The following SYCP2L variants were observed in gnomAD, a reference collection of about 807,000 sequenced individuals.
SYCP2L encodes the protein synaptonemal complex protein 2 like.
A neutral mutation model predicts 125.8 loss-of-function variants in SYCP2L; 98 were observed. The ratio of observed to expected loss-of-function variants is 0.78; its 90% CI spans 0.66 to 0.92. The LOEUF is 0.92. SYCP2L is among the 40% of genes least tolerant of loss of function. The pLI, the probability that SYCP2L is intolerant of heterozygous loss-of-function variation, is 0.00. For missense variants in SYCP2L, 842 were observed against 936.4 expected, an observed-to-expected ratio of 0.90 and a Z score of 1.32; for synonymous variants, 317 against 325.4, an observed-to-expected ratio of 0.97 and a Z score of 0.28.
chr6:10,928,737 T>G (rs1214003666), intron 18 of SYCP2L, among the ~76,000 whole-genome samples: 1 of 152,028 alleles, frequency 6.6e-6, no homozygotes, highest in Non-Finnish European at 1.5e-5. Context: ...GGAGTCTCGC[T>G]CCATTCCCCA....
chr6:10,942,931 A>T lies in SYCP2L; in HGVS notation c.1954+185A>T, dbSNP rs78774183. On this transcript the variant is annotated intron_variant, in intron 23 of 29. Coordinates refer to ENST00000283141, the MANE Select transcript of SYCP2L (RefSeq NM_001040274.3). ...AATGTTCATGAAGGTTAGGAGGAAAAATGGGGGGCTCCATTCAGGAACCAG... is the reference window on the plus strand; with the variant it reads ...AATGTTCATGAAGGTTAGGAGGAAATATGGGGGGCTCCATTCAGGAACCAG... 2.2e-3 allele frequency among the ~76,000 whole-genome samples: 341 copies of T among 152,108 alleles called. 3 individuals carry two copies. The highest frequency in any genetic ancestry group is 4.0e-3 in the Non-Finnish European group (274 of 67,982).
Position 10,963,781 on chromosome 6 carries a change from G to A in SYCP2L, c.2415-1G>A. 6.2e-7 allele frequency: 1 copy of A among 1,613,694 alleles called. No homozygotes were observed. ...ATAAGAGATGGACCAATTTCTTCCAGGTTCAATTCAACTCAGACTTCATAA... is the reference window on the plus strand; with the variant it reads ...ATAAGAGATGGACCAATTTCTTCCAAGTTCAATTCAACTCAGACTTCATAA... On this transcript the variant is annotated splice_acceptor_variant, in intron 28 of 29. Transcript: ENST00000283141. LOFTEE classifies it high-confidence loss of function.
intron 21 of SYCP2L, among the ~76,000 whole-genome samples, chr6:10,941,393 C>A (rs1218218721): frequency 1.3e-5 from 2 of 151,866 alleles, no homozygotes; most frequent in Non-Finnish European, 2.9e-5. Context: ...AAATTTTTGC[C>A]ATCTACTCAT....
intron 25 of SYCP2L, 34 bp from the exon 26 acceptor site, chr6:10,958,750 A>G (rs368361722): frequency 2.4e-4 from 369 of 1,565,668 alleles, no homozygotes; most frequent in Non-Finnish European, 3.0e-4. Flanking sequence ...ATTATATTAA[A>G]TGTGATCATC....
intron 23 of SYCP2L, among the ~76,000 whole-genome samples, chr6:10,946,905 C>A (rs1746763): frequency 1 from 151,649 of 152,058 alleles, 75,625 homozygotes; most frequent in Non-Finnish European, 1. Context: ...AGTTCTGGAA[C>A]ATTCTCAGCA....
At chr6:10,917,356 T>G (rs1780710760) in intron 14 of SYCP2L, among the ~76,000 whole-genome samples, 1 of 152,238 alleles carries the variant, frequency 6.6e-6, no homozygotes, top group Non-Finnish European at 1.5e-5. Flanking sequence ...TTTAGGATTG[T>G]GATATTTTTC....
chr6:10,908,215 G>A (rs1780540641), intron 10 of SYCP2L, among the ~76,000 whole-genome samples: 2 of 152,024 alleles, frequency 1.3e-5, no homozygotes, highest in Non-Finnish European at 1.5e-5. Flanking sequence ...GACAGAACTA[G>A]GTGAATTTGA....
At chr6:10,910,788 C>T (rs1780593135) in intron 11 of SYCP2L, 36 bp from the exon 12 acceptor site, 4 of 1,609,438 alleles carry the variant, frequency 2.5e-6, no homozygotes, top group Non-Finnish European at 3.4e-6. Context: ...AAGATTCATT[C>T]ATGTTTTATT....
chr6:10,963,762 G>T lies in SYCP2L; in HGVS notation c.2415-20G>T. ...ATTGTCTAATGTGAATATAATAAGA[G>T]ATGGACCAATTTCTTCCAGGTTCAA... On this transcript the variant is annotated intron_variant, in intron 28 of 29. Transcript: ENST00000283141. The T allele has an allele frequency of 6.2e-7, 1 of 1,613,220 alleles. No homozygotes were observed. The highest frequency in any genetic ancestry group is 1.1e-5 in the South Asian group (1 of 91,064).
At chr6:10,966,559 C>T (rs1284741550) in intron 29 of SYCP2L, among the ~76,000 whole-genome samples, 1 of 152,100 alleles carries the variant, frequency 6.6e-6, no homozygotes, top group Admixed American at 6.6e-5. Context: ...CCCCAAAGCC[C>T]CAGCAGGGTT....
Position 10,928,410 on chromosome 6 carries a change from C to T in SYCP2L, c.1448C>T (p.Pro483Leu), listed in dbSNP as rs150159592. 1.2e-3 allele frequency: 1,899 copies of T among 1,536,904 alleles called. 17 individuals carry two copies. In the African/African-American group the frequency reaches 0.022, roughly 18 times the overall value. ...GEPASDSHLQ[P>L]VPPFGVPDFP... is the part of the protein sequence containing the mutation. ...CACGTTCTTCTGCCATAGCTTCAGC[C>T]GGTCCCTCCGTTCGGGGTCCCTGAC... The change falls in exon 18 of 30, where the codon CCG (proline) becomes CTG (leucine). Residue 483 changes from proline (P) to leucine (L), a missense_variant. Physicochemically the swap from Pro to Leu is moderately conservative, Grantham distance 98. Coordinates refer to ENST00000283141, the MANE Select transcript of SYCP2L (RefSeq NM_001040274.3).
chr6:10,889,596 T>C (rs1287163040), intron 1 of SYCP2L, among the ~76,000 whole-genome samples: 1 of 150,462 alleles, frequency 6.6e-6, no homozygotes, highest in Non-Finnish European at 1.5e-5. Context: ...CACTATTCTC[T>C]CTACTTCTAT....
chr6:10,942,650 T>C, intron 22 of SYCP2L, 27 bp from the exon 23 acceptor site: 1 of 1,612,432 alleles, frequency 6.2e-7, no homozygotes, highest in Non-Finnish European at 8.5e-7. Context: ...ATAAAGGACG[T>C]AATTTGTGGT....
intron 23 of SYCP2L, among the ~76,000 whole-genome samples, chr6:10,944,030 T>A (rs1470247315): frequency 6.6e-6 from 1 of 152,248 alleles, no homozygotes; most frequent in Non-Finnish European, 1.5e-5. Context: ...TCTCTCCTGA[T>A]ACACAGGTTA....
At position 10,954,615 on chromosome 6, in the gene SYCP2L, G is replaced by A. The variant is rs1398841975; in HGVS notation, c.1955-501G>A. Among the ~76,000 whole-genome samples the A allele has an allele frequency of 1.3e-5, 2 of 152,198 alleles. No individual in the cohort carries two copies. Among genetic ancestry groups the A allele is most frequent in the Non-Finnish European group, 2.9e-5 (2 of 68,034 alleles). On this transcript the variant is annotated intron_variant, in intron 23 of 29. Coordinates refer to ENST00000283141, the MANE Select transcript of SYCP2L (RefSeq NM_001040274.3). This position sits in a 1 kb window ranked among gnomAD's most constrained non-coding sequence, Gnocchi z 4.8. ...ATGCTGAATTGAAATGGGAATCTAT[G>A]TTCGAGTCTCTCAAAATCACTTGAG... is the stretch of plus-strand genomic sequence containing the variant.
In SYCP2L at chr6:10,954,660, C is replaced by T. The variant is rs1781468760; in HGVS notation, c.1955-456C>T. The stretch of plus-strand genomic sequence containing the variant: ...CTTGAGCTGTGAGGAGGCAAGATGG[C>T]CTCGTTTATGACGTAGCCTTCAGCA... On this transcript the variant is annotated intron_variant, in intron 23 of 29. Coordinates refer to ENST00000283141, the MANE Select transcript of SYCP2L (RefSeq NM_001040274.3). This position sits in a 1 kb window ranked among gnomAD's most constrained non-coding sequence, Gnocchi z 4.8. Among the ~76,000 whole-genome samples the T allele has an allele frequency of 6.6e-6, 1 of 152,184 alleles. No individual in the cohort carries two copies. Among genetic ancestry groups the T allele is most frequent in the Non-Finnish European group, 1.5e-5 (1 of 68,018 alleles).
rs181015910 is a variant in SYCP2L, at chr6:10,887,581, A to T, written c.9+446A>T. On this transcript the variant is annotated intron_variant, in intron 1 of 29. Transcript: ENST00000283141. ...CAATTATTACTTATCAATAAATAAT[A>T]AAAAAAAACACATGAAGTTTGAGCC... 1.8e-4 allele frequency among the ~76,000 whole-genome samples: 26 copies of T among 147,582 alleles called. No homozygotes were observed. In the East Asian group the frequency reaches 4.4e-3, roughly 25 times the overall value.
chr6:10,889,766 A>G (rs975944979), intron 1 of SYCP2L, among the ~76,000 whole-genome samples: 3 of 152,078 alleles, frequency 2.0e-5, no homozygotes, highest in Admixed American at 6.6e-5. Context: ...GATTACAGGC[A>G]TGCGCCACCC....
intron 12 of SYCP2L, among the ~76,000 whole-genome samples, chr6:10,911,994 C>T (rs1422550370): frequency 6.1e-5 from 9 of 148,322 alleles, no homozygotes; most frequent in Non-Finnish European, 8.9e-5. Flanking sequence ...CTCCGCCTCC[C>T]GGGTTCATGC....
Sources: allele counts gnomAD v4.1 joint callset (sites outside exome capture counted in the v4.1 genomes callset), GRCh38; gene constraint gnomAD v4.1.1; non-coding constraint Gnocchi (gnomAD v3.1); transcripts MANE v1.5; gene names NCBI Gene and HGNC (gene_info 2026-07-23, HGNC 2026-07-21).